DOCK9: variants seen among roughly 807,000 people sequenced by gnomAD.
DOCK9 encodes dedicator of cytokinesis 9.
In DOCK9, 89 loss-of-function variants were observed where a neutral mutation model predicts 263.3. That is an observed-to-expected ratio of 0.34 (90% CI 0.28 to 0.40). The LOEUF is 0.40. DOCK9 is among the 10% of genes least tolerant of loss of function. DOCK9 has a pLI of 1.00. For missense variants in DOCK9, 2,140 were observed against 2,603.4 expected (o/e 0.82, Z 3.87); for synonymous variants, 976 against 973.1 (o/e 1.00, Z -0.06).
chr13:98,855,175 A>G (rs546976504), intron 34 of DOCK9, among the ~76,000 whole-genome samples: 1 of 152,286 alleles, frequency 6.6e-6, no homozygotes, highest in Non-Finnish European at 1.5e-5. Context: ...GTGATTTCTT[A>G]CCCCTGAATC....
intron 2 of DOCK9, among the ~76,000 whole-genome samples, chr13:98,937,677 C>G (rs958019851): frequency 6.6e-6 from 1 of 150,658 alleles, no homozygotes; most frequent in African/African-American, 2.4e-5. Flanking sequence ...CCTGAGAGCC[C>G]CAGTCTCAAT....
intron 1 of DOCK9, among the ~76,000 whole-genome samples, chr13:99,074,855 G>A (rs1327678976): frequency 6.6e-6 from 1 of 152,168 alleles, no homozygotes; most frequent in Non-Finnish European, 1.5e-5. Flanking sequence ...TTTTGGGTCA[G>A]CACTGGAAAG....
chr13:98,837,671 C>T (rs1184194799), intron 38 of DOCK9, 62 bp from the exon 39 acceptor site: 15 of 1,134,446 alleles, frequency 1.3e-5, no homozygotes, highest in Middle Eastern at 2.0e-4. Context: ...TGGCAGGATG[C>T]GGTAGGCACA....
intron 1 of DOCK9, among the ~76,000 whole-genome samples, chr13:98,963,848 G>A (rs2058925181): frequency 6.6e-6 from 1 of 152,238 alleles, no homozygotes; most frequent in Admixed American, 6.5e-5. Context: ...GAAGCCACGT[G>A]CTCACAAGTG....
intron 1 of DOCK9, among the ~76,000 whole-genome samples, chr13:98,966,211 C>A (rs2059176935): frequency 1.3e-5 from 2 of 152,198 alleles, no homozygotes. Context: ...GAGGAGAGAG[C>A]TAGGTGGAAC....
intron 1 of DOCK9, among the ~76,000 whole-genome samples, chr13:99,034,169 G>A (rs1228918271): frequency 6.6e-6 from 1 of 151,886 alleles, no homozygotes; most frequent in Non-Finnish European, 1.5e-5. Flanking sequence ...AAGCTTTCAG[G>A]AGTCAAGGAT....
rs2052149423 is a variant in DOCK9 at position 98,922,231 on chromosome 13, T to TCCCTTTGTGCCAAGTTGTCCATTGC, written c.487-110_487-86dup. The TCCCTTTGTGCCAAGTTGTCCATTGC allele has an allele frequency of 2.9e-5, 28 of 980,964 alleles. No homozygotes were observed. The Admixed American group carries it at 5.7e-4, about 20-fold the overall frequency. 60.8% of individuals were successfully genotyped at this position (980,964 alleles called of 1,614,324 possible). On this transcript the variant is annotated intron_variant, in intron 5 of 52. Coordinates refer to ENST00000682017, the MANE Select transcript of DOCK9 (RefSeq NM_001366683.2). ...TGAGTTTGGTCAATGGGAAGGTCAT[T>TCCCTTTGTGCCAAGTTGTCCATTGC]CCCTTTGTGCCAAGTTGTCCATTGC...
At chr13:98,890,858 ATC>A (rs2046514425) in intron 15 of DOCK9, among the ~76,000 whole-genome samples, 1 of 152,132 alleles carries the variant, frequency 6.6e-6, no homozygotes, top group Non-Finnish European at 1.5e-5. Flanking sequence ...AAGCTGCTAA[ATC>A]TCTTTCTCTC....
At chr13:98,958,920 T>C (rs1472088604) in intron 1 of DOCK9, among the ~76,000 whole-genome samples, 2 of 152,238 alleles carry the variant, frequency 1.3e-5, no homozygotes, top group African/African-American at 4.8e-5. Flanking sequence ...CAAATAATAC[T>C]TTAATTAGAT....
chr13:99,070,945 AT>A (rs1216906250), intron 1 of DOCK9, among the ~76,000 whole-genome samples: 1 of 152,118 alleles, frequency 6.6e-6, no homozygotes, highest in Admixed American at 6.5e-5. Flanking sequence ...AATATTGCTT[AT>A]TTTTTTCATA....
At position 98,829,774 on chromosome 13, in the gene DOCK9, A is replaced by G; in HGVS notation, c.4636-18T>C. 2.5e-6 allele frequency: 4 copies of G among 1,579,438 alleles called. No homozygotes were observed. The highest frequency in any genetic ancestry group is 3.5e-6 in the Non-Finnish European group (4 of 1,159,010). On this transcript the variant is annotated intron_variant, in intron 41 of 52. Transcript: ENST00000682017. This position sits in a 1 kb window ranked among gnomAD's most constrained non-coding sequence, Gnocchi z 4.1. ...ATGATGACCTTAGGGACACACAAAC[A>G]TGAGCAAATCAATTTACCTTCAAAT...
At position 98,868,533 on chromosome 13, in the gene DOCK9, T is replaced by C. The variant is rs60601484; in HGVS notation, c.2944-156A>G. Among the ~76,000 whole-genome samples, 625 of 152,258 alleles carry C rather than the reference T, an allele frequency of 4.1e-3. 2 individuals carry two copies. Among genetic ancestry groups the C allele is most frequent in the African/African-American group, 0.014 (581 of 41,558 alleles). On this transcript the variant is annotated intron_variant, in intron 27 of 52. Coordinates refer to ENST00000682017, the MANE Select transcript of DOCK9 (RefSeq NM_001366683.2). ...AACCCCAGCACTTTGGGAAGCCAAG[T>C]TGGGAGGATCACTTGAGCCCAGGGG...
Position 98,990,496 on chromosome 13 carries a change from G to C in DOCK9, c.130-34945C>G, listed in dbSNP as rs1423255931. 5.3e-5 allele frequency among the ~76,000 whole-genome samples: 8 copies of C among 152,290 alleles called. No homozygotes were observed. The East Asian group carries it at 1.5e-3, about 29-fold the overall frequency. On this transcript the variant is annotated intron_variant, in intron 1 of 32. Transcript: ENST00000427887. ...AACACGTTCCCCAACAACTCATTTT[G>C]AAATAACTGCAGCACATACTACTAC... is the stretch of plus-strand genomic sequence containing the variant.
intron 39 of DOCK9, among the ~76,000 whole-genome samples, chr13:98,836,203 A>G (rs2092993463): frequency 6.6e-6 from 1 of 151,986 alleles, no homozygotes; most frequent in African/African-American, 2.4e-5. Flanking sequence ...GCAGCTCCAG[A>G]ATTTTCTGCT....
intron 34 of DOCK9, among the ~76,000 whole-genome samples, chr13:98,855,653 A>T (rs552340205): frequency 1.3e-5 from 2 of 152,234 alleles, no homozygotes; most frequent in Non-Finnish European, 2.9e-5. Context: ...AACCCACCAG[A>T]GCCATTCACT....
chr13:98,858,095 A>G (rs1035326303), intron 33 of DOCK9: 1 of 152,022 alleles, frequency 6.6e-6, no homozygotes, highest in Admixed American at 6.6e-5. Context: ...TTTAAGACAA[A>G]CAGATGGAAA....
intron 45 of DOCK9, among the ~76,000 whole-genome samples, chr13:98,813,423 G>A (rs1594254145): frequency 6.6e-6 from 1 of 151,954 alleles, no homozygotes; most frequent in African/African-American, 2.4e-5. Context: ...AAAAAATTAT[G>A]AATAGATGTT....
chr13:99,016,568 A>C (rs1885441725), intron 1 of DOCK9, among the ~76,000 whole-genome samples: 1 of 152,236 alleles, frequency 6.6e-6, no homozygotes, highest in African/African-American at 2.4e-5. Flanking sequence ...TTGGTGTGTA[A>C]GTAATCCAAC....
At chr13:98,852,731 A>G (rs2093608157) in intron 35 of DOCK9, among the ~76,000 whole-genome samples, 1 of 152,228 alleles carries the variant, frequency 6.6e-6, no homozygotes, top group African/African-American at 2.4e-5. Flanking sequence ...GGGATTGTTT[A>G]TATTACATAG....
Sources: allele counts gnomAD v4.1 joint callset (sites outside exome capture counted in the v4.1 genomes callset), GRCh38; gene constraint gnomAD v4.1.1; non-coding constraint Gnocchi (gnomAD v3.1); transcripts MANE v1.5; gene names NCBI Gene and HGNC (gene_info 2026-07-23, HGNC 2026-07-21).